The following POMC variants were observed in gnomAD, a reference collection of about 807,000 sequenced individuals.
The protein encoded by POMC is proopiomelanocortin, also known as pro-opiomelanocortin.
POMC carries 19 observed loss-of-function variants against 18.5 expected under a neutral mutation model. The observed-to-expected ratio is 1.03, with a 90% CI of 0.72 to 1.51. POMC has a LOEUF of 1.51. Ranked by LOEUF, POMC falls within the 40% of genes most tolerant of loss-of-function variation. The pLI, the probability that POMC is intolerant of heterozygous loss-of-function variation, is 0.00. For synonymous variants in POMC, 179 were observed against 161.9 expected (o/e 1.11, Z -0.80); for missense variants, 451 against 379.0 (o/e 1.19, Z -1.58).
In POMC at chr2:25,164,632, C is replaced by A; in HGVS notation, c.132+9G>T. 1 of 1,614,022 alleles carries A rather than the reference C, an allele frequency of 6.2e-7. No individual in the cohort carries two copies. Among genetic ancestry groups the A allele is most frequent in the Non-Finnish European group, 8.5e-7 (1 of 1,179,872 alleles). On this transcript the variant is annotated intron_variant, in intron 2 of 2. Transcript: ENST00000395826. ...GTCTAAGCCAAGATGGCAGTCATGG[C>A]CCACGTACCAGCAGGTTGCTTTCCG... is the stretch of plus-strand genomic sequence containing the variant.
chr2:25,166,369 G>C lies in POMC; in HGVS notation c.-20-1577C>G, dbSNP rs547790568. On this transcript the variant is annotated intron_variant, in intron 1 of 2. Coordinates refer to ENST00000395826, the MANE Select transcript of POMC (RefSeq NM_000939.4). ...TGTACCCTGCCAGTGATCTATTCAA[G>C]TACACAGCCAGAACTTGGTGGACCA... Among the ~76,000 whole-genome samples, 3 of 152,214 alleles carry C rather than the reference G, an allele frequency of 2.0e-5. No homozygotes were observed. In the South Asian group the frequency reaches 6.2e-4, roughly 31 times the overall value.
intron 1 of POMC, among the ~76,000 whole-genome samples, chr2:25,166,136 C>G (rs188670543): frequency 6.6e-6 from 1 of 152,218 alleles, no homozygotes; most frequent in Non-Finnish European, 1.5e-5. Flanking sequence ...CTCTCTACCC[C>G]ACCCTCGCCC....
chr2:25,161,017 G>T lies in POMC; in HGVS notation c.*64C>A. The T allele has an allele frequency of 6.2e-7, 1 of 1,608,596 alleles. No homozygotes were observed. Among genetic ancestry groups the T allele is most frequent in the Non-Finnish European group, 8.5e-7 (1 of 1,177,874 alleles). On this transcript the variant is annotated 3_prime_UTR_variant, in exon 3 of 3. Coordinates refer to ENST00000395826, the MANE Select transcript of POMC (RefSeq NM_000939.4). This position sits in a 1 kb window ranked among gnomAD's most constrained non-coding sequence, Gnocchi z 5.7. ...GGCTGGGAGGCGGCAGCAGGGCAGG[G>T]GAGAGCAAGGGGCTTTGGGGTCGAC... is the stretch of plus-strand genomic sequence containing the variant.
intron 1 of POMC, 65 bp from the exon 2 acceptor site, chr2:25,164,857 G>A: frequency 3.2e-6 from 5 of 1,573,290 alleles, no homozygotes; most frequent in Non-Finnish European, 4.4e-6. Flanking sequence ...CCACTCACCA[G>A]GAAGGACCTT....
At position 25,161,824 on chromosome 2, in the gene POMC, G is replaced by GCGCCTAGGCCCTGGCCGCCCT; in HGVS notation, c.133-93_133-73dup. The GCGCCTAGGCCCTGGCCGCCCT allele has an allele frequency of 5.3e-6, 8 of 1,506,250 alleles. No individual in the cohort carries two copies. Among genetic ancestry groups the GCGCCTAGGCCCTGGCCGCCCT allele is most frequent in the Non-Finnish European group, 7.1e-6 (8 of 1,131,252 alleles). The allele number at this position is 1,506,250 out of a possible 1,614,324, so 93.3% of individuals were successfully genotyped here. A position where few individuals can be genotyped will look rare whatever the true frequency, so the allele number is the denominator to read the frequency against. Reference sequence around the variant, plus strand: ...CGGCCCGGCTGCCGCGCCCGTCACTGCGCCTAGGCCCTGGCCGCCCTCGCC... The same window carrying GCGCCTAGGCCCTGGCCGCCCT: ...CGGCCCGGCTGCCGCGCCCGTCACTGCGCCTAGGCCCTGGCCGCCCTCGCCTAGGCCCTGGCCGCCCTCGCC... On this transcript the variant is annotated intron_variant, in intron 2 of 2. Transcript: ENST00000395826. This position sits in a 1 kb window ranked among gnomAD's most constrained non-coding sequence, Gnocchi z 5.7.
chr2:25,162,951 C>T (rs1308652538), intron 2 of POMC, among the ~76,000 whole-genome samples: 1 of 151,772 alleles, frequency 6.6e-6, no homozygotes, highest in Non-Finnish European at 1.5e-5. Context: ...GCGTTATTTC[C>T]ATTGCACCGT....
chr2:25,161,682 T>G lies in POMC; in HGVS notation c.203A>C (p.Gln68Pro). ...TPMFPGNGDEQPLTENPRKYV... is the reference protein window; with the variant it reads ...TPMFPGNGDEPPLTENPRKYV... ...CTTCCGGGGGTTCTCGGTCAGAGGC[T>G]GCTCGTCGCCATTTCCCGGGAACAT... The change falls in exon 3 of 3, where the codon CAG becomes CCG. Residue 68 changes from glutamine to proline, a missense_variant. Transcript: ENST00000395826. This position sits in a 1 kb window ranked among gnomAD's most constrained non-coding sequence, Gnocchi z 5.7. 6.4e-7 allele frequency: 1 copy of G among 1,574,112 alleles called. No individual in the cohort carries two copies. Among genetic ancestry groups the G allele is most frequent in the African/African-American group, 1.4e-5 (1 of 73,536 alleles).
chr2:25,163,231 C>T (rs1336521688), intron 2 of POMC, among the ~76,000 whole-genome samples: 1 of 152,248 alleles, frequency 6.6e-6, no homozygotes, highest in Non-Finnish European at 1.5e-5. Flanking sequence ...ACACTCCCCT[C>T]CCGTGGACAG....
Position 25,160,954 on chromosome 2 carries a change from GC to G in POMC, c.*126del. The stretch of plus-strand genomic sequence containing the variant: ...GAAAGGTTTTATTTCCTAACTACAG[GC>G]AGCTTTAAGAGGCTGATTATCTGCC... On this transcript the variant is annotated 3_prime_UTR_variant, in exon 3 of 3. Transcript: ENST00000395826. 6.9e-7 allele frequency: 1 copy of G among 1,445,634 alleles called. No individual in the cohort carries two copies. 89.6% of individuals were successfully genotyped at this position (1,445,634 alleles called of 1,614,324 possible). A position where few individuals can be genotyped will look rare whatever the true frequency, so the allele number is the denominator to read the frequency against.
At position 25,161,599 on chromosome 2, in the gene POMC, C is replaced by CGCTGCT; in HGVS notation, c.280_285dup (p.Ser94_Ser95dup). The CGCTGCT allele has an allele frequency of 1.3e-6, 2 of 1,556,836 alleles. No individual in the cohort carries two copies. The highest frequency in any genetic ancestry group is 8.7e-7 in the Non-Finnish European group (1 of 1,150,396). ...CGCTTCTGCCCTGCGCCGCTGCTGC[C>CGCTGCT]GCTGCTGCTGCTGTTGCGGCGGCCG... On this transcript the variant is annotated inframe_insertion, in exon 3 of 3. Transcript: ENST00000395826. This position sits in a 1 kb window ranked among gnomAD's most constrained non-coding sequence, Gnocchi z 5.7.
chr2:25,164,469 T>C (rs1671487421), intron 2 of POMC, among the ~76,000 whole-genome samples, 172 bp downstream of exon 2: 1 of 152,244 alleles, frequency 6.6e-6, no homozygotes, highest in South Asian at 2.1e-4. Context: ...CTTCCTTCCC[T>C]GATTTCTTCT....
At chr2:25,167,419 C>A (rs1671592884) in intron 1 of POMC, among the ~76,000 whole-genome samples, 1 of 152,194 alleles carries the variant, frequency 6.6e-6, no homozygotes, top group African/African-American at 2.4e-5. Context: ...GCTGGAAACG[C>A]CCCTTACCTG....
chr2:25,166,681 G>A (rs1043173088), intron 1 of POMC, among the ~76,000 whole-genome samples: 1 of 152,164 alleles, frequency 6.6e-6, no homozygotes, highest in African/African-American at 2.4e-5. Flanking sequence ...TATGCCCTAT[G>A]TGCTGTGTTG....
chr2:25,165,134 C>T (rs929534158), intron 1 of POMC, among the ~76,000 whole-genome samples: 1 of 152,222 alleles, frequency 6.6e-6, no homozygotes, highest in Non-Finnish European at 1.5e-5. Context: ...GAGACAATTA[C>T]TTTAATGTCC....
rs776576448 is a variant in POMC, at chr2:25,161,506, C to A, written c.379G>T (p.Gly127Cys). The A allele has an allele frequency of 1.9e-6, 3 of 1,600,268 alleles. No homozygotes were observed. The Admixed American group carries it at 5.1e-5, about 27-fold the overall frequency. Residue 127 changes from glycine to cysteine, a missense_variant, in exon 3 of 3, where the codon GGT becomes TGT. Physicochemically the swap from Gly to Cys is radical, Grantham distance 159 (BLOSUM62 -3). Transcript: ENST00000395826. This position sits in a 1 kb window ranked among gnomAD's most constrained non-coding sequence, Gnocchi z 5.7. Reference sequence around the variant, plus strand: ...CCCTCGCGCGGGCCCGGCTTGGCACCATCGCTGCGGGGCTCGGGGCCGCCC... The same window carrying A: ...CCCTCGCGCGGGCCCGGCTTGGCACAATCGCTGCGGGGCTCGGGGCCGCCC... The part of the protein sequence containing the change: ...PEGGPEPRSD[G>C]AKPGPREGKR...
intron 2 of POMC, 83 bp downstream of exon 2, chr2:25,164,558 T>TC: frequency 6.2e-7 from 1 of 1,600,134 alleles, no homozygotes; most frequent in Non-Finnish European, 8.6e-7. Context: ...AATTTCCCTT[T>TC]CCCCACACCC....
rs1302413398 is a variant in POMC at position 25,161,868 on chromosome 2, G to A, written c.133-116C>T. 1 of 1,438,214 alleles carries A rather than the reference G, an allele frequency of 7.0e-7. No homozygotes were observed. The highest frequency in any genetic ancestry group is 2.5e-5 in the East Asian group (1 of 39,380). 89.1% of individuals were successfully genotyped at this position (1,438,214 alleles called of 1,614,324 possible). A position where few individuals can be genotyped will look rare whatever the true frequency, so the allele number is the denominator to read the frequency against. ...CCTCGCCACGTGCCGAGGACACAGGGCACAGTGTCGGGCGTGTCAAGCGTC... is the reference window on the plus strand; with the variant it reads ...CCTCGCCACGTGCCGAGGACACAGGACACAGTGTCGGGCGTGTCAAGCGTC... On this transcript the variant is annotated intron_variant, in intron 2 of 2. Transcript: ENST00000395826. The surrounding 1 kb of genome is among the most constrained non-coding windows in gnomAD (Gnocchi z 5.7).
At chr2:25,162,929 G>T (rs1671441092) in intron 2 of POMC, among the ~76,000 whole-genome samples, 1 of 152,076 alleles carries the variant, frequency 6.6e-6, no homozygotes, top group Admixed American at 6.5e-5. Flanking sequence ...TGGAGGGAGG[G>T]GTGGAAAGCT....
Position 25,164,762 on chromosome 2 carries a change from G to T in POMC, c.11C>A (p.Ser4Ter), listed in dbSNP as rs766183863. 1.2e-6 allele frequency: 2 copies of T among 1,613,786 alleles called. No individual in the cohort carries two copies. Among genetic ancestry groups the T allele is most frequent in the Non-Finnish European group, 1.7e-6 (2 of 1,180,050 alleles). Residue 4 changes from serine (S) to a stop codon, truncating the protein, a stop_gained, in exon 2 of 3, where the codon TCG becomes TAG. Coordinates refer to ENST00000395826, the MANE Select transcript of POMC (RefSeq NM_000939.4). LOFTEE classifies it high-confidence loss of function. MPR[S>*]CCSRSGALLL... The stretch of plus-strand genomic sequence containing the variant: ...CAGGGCCCCCGAGCGGCTGCAGCAC[G>T]ATCTCGGCATCTTCCAGGCAGGCTG...
Sources: allele counts gnomAD v4.1 joint callset (sites outside exome capture counted in the v4.1 genomes callset), GRCh38; gene constraint gnomAD v4.1.1; non-coding constraint Gnocchi (gnomAD v3.1); transcripts MANE v1.5; gene names NCBI Gene and HGNC (gene_info 2026-07-23, HGNC 2026-07-21).